CSDC2: variants seen among roughly 807,000 people sequenced by gnomAD.
The protein encoded by CSDC2 is cold shock domain-containing protein C2.
CSDC2 carries 8 observed loss-of-function variants against 15.8 expected under a neutral mutation model. The ratio of observed to expected loss-of-function variants is 0.51; its 90% CI spans 0.30 to 0.92. CSDC2 has a LOEUF of 0.92. Ranked by LOEUF, CSDC2 falls within the 40% of genes least tolerant of loss-of-function variation. The pLI is 0.07. For synonymous variants in CSDC2, 96 were observed against 92.3 expected, an observed-to-expected ratio of 1.04 and a Z score of -0.23; for missense variants, 195 against 213.3, an observed-to-expected ratio of 0.91 and a Z score of 0.53.
chr22:41,564,434 G>C (rs1191316007), intron 1 of CSDC2, among the ~76,000 whole-genome samples: 2 of 151,940 alleles, frequency 1.3e-5, no homozygotes, highest in Non-Finnish European at 2.9e-5. Context: ...TTAATTTTTT[G>C]TATTTTTAGC....
chr22:41,572,037 C>A lies in CSDC2; in HGVS notation c.72C>A (p.Thr24=), dbSNP rs1480596710. ...CCCCCAAGTCCCCAGTCTGGCCCAC[C>A]TTCCCCTTCCACAGGGAGGGCAGCA... ...LHSPKSPVWP[T]FPFHREGSRV... Residue 24 remains threonine (T), a synonymous_variant, in exon 2 of 4, where the codon ACC becomes ACA. Coordinates refer to ENST00000306149, the MANE Select transcript of CSDC2 (RefSeq NM_014460.4). 1 of 1,364,204 alleles carries A rather than the reference C, an allele frequency of 7.3e-7. No homozygotes were observed. The highest frequency in any genetic ancestry group is 4.0e-5 in the Admixed American group (1 of 25,038). The allele number at this position is 1,364,204 out of a possible 1,614,324, so 84.5% of individuals were successfully genotyped here. A position where few individuals can be genotyped will look rare whatever the true frequency, so the allele number is the denominator to read the frequency against.
Position 41,566,745 on chromosome 22 carries a change from G to A in CSDC2, c.-123-5098G>A, listed in dbSNP as rs1387094196. Among the ~76,000 whole-genome samples, 5 of 151,512 alleles carry A rather than the reference G, an allele frequency of 3.3e-5. No individual in the cohort carries two copies. The East Asian group carries it at 7.8e-4, about 24-fold the overall frequency. ...ACGAGGTCAGGAGATCGAGACCACA[G>A]TGAAACCCCGTCTCTACTAAAAATA... On this transcript the variant is annotated intron_variant, in intron 1 of 3. Coordinates refer to ENST00000306149, the MANE Select transcript of CSDC2 (RefSeq NM_014460.4).
intron 1 of CSDC2, among the ~76,000 whole-genome samples, chr22:41,569,929 G>A (rs1303637087): frequency 6.6e-6 from 1 of 151,946 alleles, no homozygotes; most frequent in Non-Finnish European, 1.5e-5. Flanking sequence ...ACAGGTGGAT[G>A]CCATCACACC....
chr22:41,566,366 C>T lies in CSDC2; in HGVS notation c.-124+5183C>T, dbSNP rs2067114252. Among the ~76,000 whole-genome samples the T allele has an allele frequency of 6.0e-5, 9 of 150,122 alleles. No individual in the cohort carries two copies. In the South Asian group the frequency reaches 1.7e-3, roughly 28 times the overall value. ...GGCTGAGGCAGAAGAATCGCTTGAACCCCACAGGCAGAGGTTGCAGTGAGC... is the reference window on the plus strand; with the variant it reads ...GGCTGAGGCAGAAGAATCGCTTGAATCCCACAGGCAGAGGTTGCAGTGAGC... On this transcript the variant is annotated intron_variant, in intron 1 of 3. Transcript: ENST00000306149.
intron 1 of CSDC2, 103 bp from the exon 2 acceptor site, chr22:41,571,740 G>C: frequency 5.4e-6 from 2 of 369,742 alleles, no homozygotes; most frequent in Non-Finnish European, 4.8e-6. Flanking sequence ...TTGAAGTAAC[G>C]CCGTGAGGAT....
rs1282146080 is a variant in CSDC2 at position 41,575,471 on chromosome 22, A to T, written c.*576A>T. ...ACACAGGCCTCTCACTGCCGAGGCCAGCCTTCCTTCCTGCTCTGCTCTCTC... is the reference window on the plus strand; with the variant it reads ...ACACAGGCCTCTCACTGCCGAGGCCTGCCTTCCTTCCTGCTCTGCTCTCTC... On this transcript the variant is annotated 3_prime_UTR_variant, in exon 4 of 4. Transcript: ENST00000306149. The T allele has an allele frequency of 6.5e-6, 1 of 153,852 alleles. No homozygotes were observed. Among genetic ancestry groups the T allele is most frequent in the African/African-American group, 2.4e-5 (1 of 41,478 alleles). The allele number at this position is 153,852 out of a possible 1,614,324, so 9.5% of individuals were successfully genotyped here. A position where few individuals can be genotyped will look rare whatever the true frequency, so the allele number is the denominator to read the frequency against.
intron 1 of CSDC2, among the ~76,000 whole-genome samples, chr22:41,565,268 G>A (rs2067107962): frequency 6.6e-6 from 1 of 151,698 alleles, no homozygotes; most frequent in Non-Finnish European, 1.5e-5. Flanking sequence ...TGGCCAACAT[G>A]GTGAAACCCC....
intron 2 of CSDC2, among the ~76,000 whole-genome samples, chr22:41,572,646 C>A (rs537008526): frequency 6.6e-6 from 1 of 152,138 alleles, no homozygotes; most frequent in East Asian, 1.9e-4. Context: ...GGGTGAGGAC[C>A]CAGCATGGGG....
At chr22:41,572,470 ATCCATCCGTCCATCCATCCGTCTGTCCG>A in intron 2 of CSDC2, among the ~76,000 whole-genome samples, 1 of 148,954 alleles carries the variant, frequency 6.7e-6, no homozygotes, top group African/African-American at 2.5e-5. Flanking sequence ...CCACCCACCC[ATCCATCCGTCCATCCATCCGTCTGTCCG>A]TCCATCCATC....
At chr22:41,570,638 A>T (rs1022963448) in intron 1 of CSDC2, among the ~76,000 whole-genome samples, 1 of 152,056 alleles carries the variant, frequency 6.6e-6, no homozygotes, top group Non-Finnish European at 1.5e-5. Flanking sequence ...CCTGGCCAAC[A>T]TGGTGAAACC....
intron 1 of CSDC2, among the ~76,000 whole-genome samples, chr22:41,565,937 T>C (rs1215084708): frequency 1.3e-5 from 2 of 152,172 alleles, no homozygotes; most frequent in Non-Finnish European, 2.9e-5. Context: ...GACACAGCTC[T>C]GTGGCTCCTC....
In CSDC2 at chr22:41,574,993, T is replaced by A. The variant is rs971885775; in HGVS notation, c.*98T>A. On this transcript the variant is annotated 3_prime_UTR_variant, in exon 4 of 4. Transcript: ENST00000306149. ...ATGCCCCACTGCCCTGGCTGATGAG[T>A]CCTTCGGTGGCCTCAGTGTGCACGT... 1.0e-5 allele frequency: 14 copies of A among 1,371,886 alleles called. No individual in the cohort carries two copies. The highest frequency in any genetic ancestry group is 1.3e-5 in the Non-Finnish European group (13 of 1,013,568). 85.0% of individuals were successfully genotyped at this position (1,371,886 alleles called of 1,614,324 possible). A position where few individuals can be genotyped will look rare whatever the true frequency, so the allele number is the denominator to read the frequency against.
intron 1 of CSDC2, among the ~76,000 whole-genome samples, chr22:41,561,698 A>G (rs2067086239): frequency 6.6e-6 from 1 of 152,022 alleles, no homozygotes; most frequent in African/African-American, 2.4e-5. Context: ...TGTGATGGGG[A>G]TAATTGTGTT....
rs370154480 is a variant in CSDC2, at chr22:41,561,081, C to CACACACACACA, written c.-225_-224insCACACACACAA. 1.5e-5 allele frequency: 1 copy of CACACACACACA among 67,752 alleles called. No individual in the cohort carries two copies. The highest frequency in any genetic ancestry group is 3.7e-5 in the African/African-American group (1 of 26,928). The allele number at this position is 67,752 out of a possible 1,614,324, so 4.2% of individuals were successfully genotyped here. A position where few individuals can be genotyped will look rare whatever the true frequency, so the allele number is the denominator to read the frequency against. On this transcript the variant is annotated 5_prime_UTR_variant, in exon 1 of 4. Transcript: ENST00000306149. ...ACACACACACACACACACACACACA[C>CACACACACACA]ATCTTCCAGACCCATCCCCTGCCTG...
chr22:41,566,916 T>G (rs1156754244), intron 1 of CSDC2, among the ~76,000 whole-genome samples: 8 of 136,518 alleles, frequency 5.9e-5, no homozygotes, highest in African/African-American at 1.7e-4. Flanking sequence ...GACAGAGCGA[T>G]CCTCCGTCTC....
chr22:41,568,134 C>CTT (rs66884544), intron 1 of CSDC2, among the ~76,000 whole-genome samples: 1 of 109,554 alleles, frequency 9.1e-6, no homozygotes, highest in African/African-American at 3.5e-5. Context: ...CTCTCCCTCT[C>CTT]TTTTTTTTGA....
rs754232752 is a variant in CSDC2, at chr22:41,572,013, C to T, written c.48C>T (p.Ser16=). ...CCCCAGTTGTGCCCCCGCTCCACTC[C>T]CCCAAGTCCCCAGTCTGGCCCACCT... ...TSPPVVPPLH[S]PKSPVWPTFP... The change falls in exon 2 of 4, where the codon TCC becomes TCT. Residue 16 remains serine (S), a synonymous_variant. Transcript: ENST00000306149. 4 of 1,362,942 alleles carry T rather than the reference C, an allele frequency of 2.9e-6. No homozygotes were observed. Among genetic ancestry groups the T allele is most frequent in the Non-Finnish European group, 2.8e-6 (3 of 1,056,120 alleles). The allele number at this position is 1,362,942 out of a possible 1,614,324, so 84.4% of individuals were successfully genotyped here. A position where few individuals can be genotyped will look rare whatever the true frequency, so the allele number is the denominator to read the frequency against.
chr22:41,570,352 A>C (rs1414757983), intron 1 of CSDC2, among the ~76,000 whole-genome samples: 1 of 152,198 alleles, frequency 6.6e-6, no homozygotes, highest in East Asian at 1.9e-4. Flanking sequence ...ATCTTGGTTC[A>C]GAAAAATTCC....
At chr22:41,572,812 G>T (rs1006850011) in intron 2 of CSDC2, among the ~76,000 whole-genome samples, 3 of 152,202 alleles carry the variant, frequency 2.0e-5, no homozygotes, top group Non-Finnish European at 4.4e-5. Flanking sequence ...ACTAGGCCTG[G>T]GCCTTTGGGG....
Sources: gnomAD v4.1 joint callset for allele counts (sites outside exome capture counted in the v4.1 genomes callset) on GRCh38, gnomAD v4.1.1 for gene constraint, MANE v1.5 for transcripts, NCBI Gene and HGNC (gene_info 2026-07-23, HGNC 2026-07-21) for gene names.